Variants in NACAD observed in about 807,000 individuals in gnomAD.
NACAD encodes the protein NAC-alpha domain-containing protein 1.
NACAD carries 47 observed loss-of-function variants against 98.9 expected under a neutral mutation model. The ratio of observed to expected loss-of-function variants is 0.48; its 90% CI spans 0.38 to 0.61. The LOEUF is 0.61. Ranked by LOEUF, NACAD falls within the 20% of genes least tolerant of loss-of-function variation. The pLI, the probability that NACAD is intolerant of heterozygous loss-of-function variation, is 0.00. For synonymous variants in NACAD, 696 were observed against 767.2 expected (o/e 0.91, Z 1.53); for missense variants, 1,412 against 1,748.2 (o/e 0.81, Z 3.43).
rs780940061 is a variant in NACAD at position 45,082,519 on chromosome 7, C to T, written c.3661G>A (p.Val1221Met). Residue 1221 changes from valine (V) to methionine (M), a missense_variant, in exon 2 of 8, where the codon GTG (valine) becomes ATG (methionine). Coordinates refer to ENST00000490531, the MANE Select transcript of NACAD (RefSeq NM_001146334.2). This position sits in a 1 kb window ranked among gnomAD's most constrained non-coding sequence, Gnocchi z 4.5. ...NLAKGQPSTP[V>M]DRPLGPDPSA... Reference sequence around the variant, plus strand: ...GGGTCAGGGCCCAGGGGCCTGTCCACGGGCGTGCTGGGCTGACCCTTGGCA... The same window carrying T: ...GGGTCAGGGCCCAGGGGCCTGTCCATGGGCGTGCTGGGCTGACCCTTGGCA... The T allele has an allele frequency of 2.1e-5, 33 of 1,549,432 alleles. No homozygotes were observed. The highest frequency in any genetic ancestry group is 1.5e-4 in the East Asian group (6 of 40,912).
Position 45,083,390 on chromosome 7 carries a change from G to A in NACAD, c.2790C>T (p.Asp930=). ...GCTCTGGACCTGAGGTGGGGCCTGT[G>A]TCTTGCAGAGGCAGAGGTGCTGTCA... ...SAMTAPLPLQ[D]TGPTSGPEPL... is the part of the protein sequence containing the mutation. Residue 930 remains aspartate, a synonymous_variant, in exon 2 of 8, where the codon GAC becomes GAT. Transcript: ENST00000490531. 6.4e-7 allele frequency: 1 copy of A among 1,551,296 alleles called. No homozygotes were observed. The highest frequency in any genetic ancestry group is 8.7e-7 in the Non-Finnish European group (1 of 1,147,018).
Position 45,088,897 on chromosome 7 carries a change from C to G in NACAD, c.-3G>C, listed in dbSNP as rs759179043. ...GCGCGGGCAGCCTCCCCAGGCATGG[C>G]CTGGCCGTGCGCCCGCCCGTCCCTC... On this transcript the variant is annotated 5_prime_UTR_variant, in exon 1 of 8. Transcript: ENST00000490531. The surrounding 1 kb of genome is among the most constrained non-coding windows in gnomAD (Gnocchi z 5.7). 4.9e-6 allele frequency: 7 copies of G among 1,432,736 alleles called. No homozygotes were observed. Among genetic ancestry groups the G allele is most frequent in the Non-Finnish European group, 6.4e-6 (7 of 1,094,692 alleles). 88.8% of individuals were successfully genotyped at this position (1,432,736 alleles called of 1,614,324 possible). A position where few individuals can be genotyped will look rare whatever the true frequency, so the allele number is the denominator to read the frequency against.
chr7:45,085,642 G>T lies in NACAD; in HGVS notation c.538C>A (p.Pro180Thr), dbSNP rs1374972529. The change falls in exon 2 of 8, where the codon CCC becomes ACC. Residue 180 changes from proline to threonine, a missense_variant. By Grantham distance (38) the Pro-to-Thr change is conservative. Around this residue, in one of 5 missense-constraint regions of NACAD, gnomAD observed 638 missense variants for 722.7 expected, o/e 0.88. Coordinates refer to ENST00000490531, the MANE Select transcript of NACAD (RefSeq NM_001146334.2). This position sits in a 1 kb window ranked among gnomAD's most constrained non-coding sequence, Gnocchi z 6.1. ...PDSFFTPPST[P>T]TKTTYALLPA... ...AGCAGGGCATAGGTGGTCTTGGTGG[G>T]GGTGGAGGGAGGCGTGAAGAAGGAA... 4.5e-6 allele frequency: 7 copies of T among 1,548,496 alleles called. No homozygotes were observed. The highest frequency in any genetic ancestry group is 1.4e-5 in the African/African-American group (1 of 73,030).
rs1294156818 is a variant in NACAD, at chr7:45,085,362, G to T, written c.818C>A (p.Pro273His). 3.2e-6 allele frequency: 5 copies of T among 1,550,056 alleles called. No homozygotes were observed. In the African/African-American group the frequency reaches 5.5e-5, roughly 17 times the overall value. ...RELHPAGTPE[P>H]PSSESSLSAD... ...AGAGAGGCTGGACTCAGAGGACGGG[G>T]GCTCTGGGGTCCCTGCTGGGTGCAG... The change falls in exon 2 of 8, where the codon CCC becomes CAC. Residue 273 changes from proline (P) to histidine (H), a missense_variant. Pro to His is a moderately conservative substitution (Grantham distance 77, BLOSUM62 -2). Around this residue, in one of 5 missense-constraint regions of NACAD, gnomAD observed 638 missense variants for 722.7 expected, o/e 0.88. Transcript: ENST00000490531. The surrounding 1 kb of genome is among the most constrained non-coding windows in gnomAD (Gnocchi z 6.1).
At position 45,080,752 on chromosome 7, in the gene NACAD, G is replaced by A. The variant is rs377008938; in HGVS notation, c.4562C>T (p.Ala1521Val). 336 of 1,550,898 alleles carry A rather than the reference G, an allele frequency of 2.2e-4. 2 individuals are homozygous for A. The Middle Eastern group carries it at 3.0e-3, about 14-fold the overall frequency. Residue 1521 changes from alanine (A) to valine (V), a missense_variant, in exon 7 of 8, where the codon GCG (alanine) becomes GTG (valine). Transcript: ENST00000490531. ...EEEEEEEVDE[A>V]GLELRDIELV... ...CTCAATGTCACGCAGTTCCAGCCCC[G>A]CCTCGTCCACCTGGAGTTGGGGGAG...
intron 1 of NACAD, among the ~76,000 whole-genome samples, chr7:45,087,899 C>A (rs1018287835): frequency 2.0e-5 from 3 of 152,178 alleles, no homozygotes; most frequent in African/African-American, 7.2e-5. Context: ...GAGCAGAAAC[C>A]AAAGGCCAAA....
At position 45,080,774 on chromosome 7, in the gene NACAD, G is replaced by A. The variant is rs908505819; in HGVS notation, c.4552-12C>T. 1.8e-5 allele frequency: 28 copies of A among 1,550,744 alleles called. No individual in the cohort carries two copies. The highest frequency in any genetic ancestry group is 2.4e-5 in the Non-Finnish European group (28 of 1,146,968). ...CCCGCCTCGTCCACCTGGAGTTGGGGGAGCAGGGAAGTGGCTGGAGCTGCT... is the reference window on the plus strand; with the variant it reads ...CCCGCCTCGTCCACCTGGAGTTGGGAGAGCAGGGAAGTGGCTGGAGCTGCT... On this transcript the variant is annotated splice_polypyrimidine_tract_variant and intron_variant, in intron 6 of 7. Coordinates refer to ENST00000490531, the MANE Select transcript of NACAD (RefSeq NM_001146334.2).
chr7:45,080,705 C>T lies in NACAD; in HGVS notation c.4609G>A (p.Val1537Met). Residue 1537 changes from valine to methionine, a missense_variant, in exon 7 of 8, where the codon GTG becomes ATG. Coordinates refer to ENST00000490531, the MANE Select transcript of NACAD (RefSeq NM_001146334.2). Reference sequence around the variant, plus strand: ...GCCCGCACGGCCTTGGCCCTGGACACATTGGCCTGCGCCATCACCAGCTCA... The same window carrying T: ...GCCCGCACGGCCTTGGCCCTGGACATATTGGCCTGCGCCATCACCAGCTCA... ...DIELVMAQAN[V>M]SRAKAVRALR... is the part of the protein sequence containing the mutation. 3 of 1,551,184 alleles carry T rather than the reference C, an allele frequency of 1.9e-6. No individual in the cohort carries two copies. Among genetic ancestry groups the T allele is most frequent in the Non-Finnish European group, 2.6e-6 (3 of 1,146,958 alleles).
Position 45,088,962 on chromosome 7 carries a change from C to A in NACAD, c.-68G>T. The A allele has an allele frequency of 1.6e-6, 2 of 1,232,196 alleles. No homozygotes were observed. The highest frequency in any genetic ancestry group is 2.0e-6 in the Non-Finnish European group (2 of 977,000). The allele number at this position is 1,232,196 out of a possible 1,614,324, so 76.3% of individuals were successfully genotyped here. A position where few individuals can be genotyped will look rare whatever the true frequency, so the allele number is the denominator to read the frequency against. ...TCCGTCAGTCCGTGCCGCCGCCCCGCCGAGCCTGCGCGGCCACCGCCCCTC... is the reference window on the plus strand; with the variant it reads ...TCCGTCAGTCCGTGCCGCCGCCCCGACGAGCCTGCGCGGCCACCGCCCCTC... On this transcript the variant is annotated 5_prime_UTR_variant, in exon 1 of 8. Transcript: ENST00000490531. The surrounding 1 kb of genome is among the most constrained non-coding windows in gnomAD (Gnocchi z 5.7).
rs1420469716 is a variant in NACAD at position 45,085,205 on chromosome 7, C to A, written c.975G>T (p.Glu325Asp). ...GSLIFQVEAV[E>D]VTPLSPEEEE... ...CTTCCTCTGGGGATAGCGGTGTCAC[C>A]TCCACTGCCTCCACCTGAAAGATGA... Residue 325 changes from glutamate (E) to aspartate (D), a missense_variant, in exon 2 of 8, where the codon GAG (glutamate) becomes GAT (aspartate). This residue lies in a region of NACAD where 638 missense variants were observed against 722.7 expected (regional missense o/e 0.88). Coordinates refer to ENST00000490531, the MANE Select transcript of NACAD (RefSeq NM_001146334.2). The surrounding 1 kb of genome is among the most constrained non-coding windows in gnomAD (Gnocchi z 6.1). The A allele has an allele frequency of 4.5e-6, 7 of 1,551,296 alleles. No homozygotes were observed. The highest frequency in any genetic ancestry group is 6.1e-6 in the Non-Finnish European group (7 of 1,146,928).
At position 45,081,280 on chromosome 7, in the gene NACAD, G is replaced by A. The variant is rs1784426712; in HGVS notation, c.4258-17C>T. 6.4e-7 allele frequency: 1 copy of A among 1,550,426 alleles called. No homozygotes were observed. The highest frequency in any genetic ancestry group is 1.4e-5 in the African/African-American group (1 of 73,178). On this transcript the variant is annotated splice_polypyrimidine_tract_variant and intron_variant, in intron 4 of 7. Coordinates refer to ENST00000490531, the MANE Select transcript of NACAD (RefSeq NM_001146334.2). ...TGACATTGCCTGGGAGTAGAGGGCA[G>A]AGGGGGGCTCAGACCTGGTGTTGAC...
rs750092775 is a variant in NACAD, at chr7:45,082,396, C to T, written c.3784G>A (p.Glu1262Lys). The change falls in exon 2 of 8, where the codon GAG (glutamate) becomes AAG (lysine). Residue 1262 changes from glutamate to lysine, a missense_variant. By Grantham distance (56) the Glu-to-Lys change is moderately conservative. This residue lies in a region of NACAD where 572 missense variants were observed against 639.6 expected (regional missense o/e 0.89). Coordinates refer to ENST00000490531, the MANE Select transcript of NACAD (RefSeq NM_001146334.2). This position sits in a 1 kb window ranked among gnomAD's most constrained non-coding sequence, Gnocchi z 4.5. ...AGGCCCAGAGAGCCTGGGGGCTCCT[C>T]GTCTTCCACAGAGTCTTCCTGGGGG... ...QDPQEDSVED[E>K]EPPGSLGLPP... The T allele has an allele frequency of 1.2e-5, 19 of 1,549,684 alleles. No individual in the cohort carries two copies. The highest frequency in any genetic ancestry group is 2.4e-5 in the East Asian group (1 of 40,910).
In NACAD at chr7:45,083,659, C is replaced by A. The variant is rs1375648538; in HGVS notation, c.2521G>T (p.Ala841Ser). Residue 841 changes from alanine (A) to serine (S), a missense_variant, in exon 2 of 8, where the codon GCT (alanine) becomes TCT (serine). Ala to Ser is a moderately conservative substitution (Grantham distance 99). This residue lies in a region of NACAD where 72 missense variants were observed against 198.0 expected (regional missense o/e 0.36). Transcript: ENST00000490531. ...EEGLTLPQDS[A>S]MTPPLPLQDT... ...TGTAGGGGCAGAGGCGGTGTCATAG[C>A]GGAGTCCTGGGGTAAGGTGAGGCCC... 1.3e-5 allele frequency: 4 copies of A among 304,376 alleles called. No homozygotes were observed. Among genetic ancestry groups the A allele is most frequent in the Non-Finnish European group, 2.2e-5 (4 of 181,548 alleles). 18.9% of individuals were successfully genotyped at this position (304,376 alleles called of 1,614,324 possible).
rs1391806608 is a variant in NACAD at position 45,082,260 on chromosome 7, C to T, written c.3920G>A (p.Ser1307Asn). 2 of 1,550,386 alleles carry T rather than the reference C, an allele frequency of 1.3e-6. No homozygotes were observed. Among genetic ancestry groups the T allele is most frequent in the Non-Finnish European group, 1.7e-6 (2 of 1,146,792 alleles). The change falls in exon 2 of 8, where the codon AGC becomes AAC. Residue 1307 changes from serine to asparagine, a missense_variant. Ser to Asn is a conservative substitution (Grantham distance 46, BLOSUM62 1). Coordinates refer to ENST00000490531, the MANE Select transcript of NACAD (RefSeq NM_001146334.2). The surrounding 1 kb of genome is among the most constrained non-coding windows in gnomAD (Gnocchi z 4.5). ...VSLSPHSPLL[S>N]PKVASMDAKD... ...GGCATCCATGGAGGCCACCTTGGGGCTGAGGAGTGGGGAGTGAGGCGAGAG... is the reference window on the plus strand; with the variant it reads ...GGCATCCATGGAGGCCACCTTGGGGTTGAGGAGTGGGGAGTGAGGCGAGAG...
rs1371550707 is a variant in NACAD, at chr7:45,081,660, C to T, written c.4198G>A (p.Gly1400Ser). The T allele has an allele frequency of 1.2e-5, 18 of 1,551,294 alleles. No homozygotes were observed. The highest frequency in any genetic ancestry group is 4.9e-5 in the East Asian group (2 of 40,912). Residue 1400 changes from glycine (G) to serine (S), a missense_variant, in exon 4 of 8, where the codon GGC (glycine) becomes AGC (serine). Transcript: ENST00000490531. ...GCTTTGGCGATGGTCTCCTCACTGC[C>T]GCCTGCTGGGGCCTGAGAAAAGGTG... ...VQCPAQAPAG[G>S]SEETIAKAKQ...
At position 45,088,766 on chromosome 7, in the gene NACAD, A is replaced by C; in HGVS notation, c.67+62T>G. The C allele has an allele frequency of 7.2e-7, 1 of 1,389,818 alleles. No homozygotes were observed. Among genetic ancestry groups the C allele is most frequent in the Non-Finnish European group, 9.5e-7 (1 of 1,055,052 alleles). 86.1% of individuals were successfully genotyped at this position (1,389,818 alleles called of 1,614,324 possible). A position where few individuals can be genotyped will look rare whatever the true frequency, so the allele number is the denominator to read the frequency against. ...AGAGGGGTGAAAGGTGAGCGATGGA[A>C]AGAGAACCCGGGCTGGAGAGGGGAG... On this transcript the variant is annotated intron_variant, in intron 1 of 7. Transcript: ENST00000490531. This position sits in a 1 kb window ranked among gnomAD's most constrained non-coding sequence, Gnocchi z 5.7.
rs1398990156 is a variant in NACAD at position 45,086,259 on chromosome 7, C to T, written c.68-147G>A. 3.4e-6 allele frequency: 3 copies of T among 876,880 alleles called. No individual in the cohort carries two copies. The East Asian group carries it at 8.2e-5, about 24-fold the overall frequency. The allele number at this position is 876,880 out of a possible 1,614,324, so 54.3% of individuals were successfully genotyped here. The stretch of plus-strand genomic sequence containing the variant: ...GAGAAAAGAGAAGACCCTCTGCACG[C>T]TGCGTTTGAGGGAGAACTTCCAGGA... On this transcript the variant is annotated intron_variant, in intron 1 of 7. Coordinates refer to ENST00000490531, the MANE Select transcript of NACAD (RefSeq NM_001146334.2).
intron 4 of NACAD, 61 bp from the exon 5 acceptor site, chr7:45,081,324 G>A: frequency 6.5e-7 from 1 of 1,527,764 alleles, no homozygotes; most frequent in Non-Finnish European, 8.8e-7. Flanking sequence ...GGGGAGGAGA[G>A]CAGCACAGTG....
rs748134426 is a variant in NACAD at position 45,082,278 on chromosome 7, G to A, written c.3902C>T (p.Pro1301Leu). 21 of 1,550,684 alleles carry A rather than the reference G, an allele frequency of 1.4e-5. No homozygotes were observed. The highest frequency in any genetic ancestry group is 1.7e-4 in the Middle Eastern group (1 of 5,986). ...LGTGPRVSLS[P>L]HSPLLSPKVA... The stretch of plus-strand genomic sequence containing the variant: ...CTTGGGGCTGAGGAGTGGGGAGTGA[G>A]GCGAGAGGCTGACTCGCGGCCCAGT... Residue 1301 changes from proline (P) to leucine (L), a missense_variant, in exon 2 of 8, where the codon CCT (proline) becomes CTT (leucine). This residue lies in a region of NACAD where 572 missense variants were observed against 639.6 expected (regional missense o/e 0.89). Coordinates refer to ENST00000490531, the MANE Select transcript of NACAD (RefSeq NM_001146334.2). This position sits in a 1 kb window ranked among gnomAD's most constrained non-coding sequence, Gnocchi z 4.5.
Sources: allele counts gnomAD v4.1 joint callset (sites outside exome capture counted in the v4.1 genomes callset), GRCh38; gene constraint gnomAD v4.1.1; regional missense constraint gnomAD v4.1.1; non-coding constraint Gnocchi (gnomAD v3.1); transcripts MANE v1.5; gene names NCBI Gene and HGNC (gene_info 2026-07-23, HGNC 2026-07-21).